The following CNTNAP5 variants were observed in gnomAD, a reference collection of about 807,000 sequenced individuals.
CNTNAP5 encodes contactin associated protein family member 5.
A neutral mutation model predicts 150.2 loss-of-function variants in CNTNAP5; 72 were observed. The observed-to-expected ratio is 0.48, with a 90% CI of 0.40 to 0.58. CNTNAP5 has a LOEUF of 0.58. Among genes scored for constraint, CNTNAP5 ranks in the 20% least tolerant of loss-of-function variants. The probability of loss-of-function intolerance (pLI) is 0.00; values close to 1 mark genes in which losing one functional copy is unlikely to be tolerated. For synonymous variants in CNTNAP5, 672 were observed against 619.8 expected, an observed-to-expected ratio of 1.08 and a Z score of -1.25; for missense variants, 1,636 against 1,626.2, an observed-to-expected ratio of 1.01 and a Z score of -0.10.
chr2:124,790,035 C>T lies in CNTNAP5; in HGVS notation c.2886C>T (p.Ser962=). The T allele has an allele frequency of 2.5e-6, 4 of 1,613,866 alleles. No homozygotes were observed. In the South Asian group the frequency reaches 4.4e-5, roughly 18 times the overall value. ...GGCCAGGCTGCCCCGGCCACTGCAG[C>T]AGCTACGGCAGCATCTGCCACAACG... The part of the protein sequence containing the change: ...GVRPGCPGHC[S]SYGSICHNGG... Residue 962 remains serine, a synonymous_variant, in exon 18 of 24, where the codon AGC becomes AGT. Coordinates refer to ENST00000682447, the MANE Select transcript of CNTNAP5 (RefSeq NM_001367498.1).
intron 1 of CNTNAP5, among the ~76,000 whole-genome samples, chr2:124,127,490 T>C (rs530975145): frequency 4.6e-5 from 7 of 152,074 alleles, no homozygotes; most frequent in Non-Finnish European, 1.0e-4. Flanking sequence ...CTGCCCAAGG[T>C]AATTTATAGA....
intron 1 of CNTNAP5, among the ~76,000 whole-genome samples, chr2:124,155,342 A>G (rs890626816): frequency 6.6e-6 from 1 of 151,836 alleles, no homozygotes; most frequent in Non-Finnish European, 1.5e-5. Flanking sequence ...AATCATTTTC[A>G]TTTGCCAATA....
At chr2:124,413,867 A>C (rs1006638659) in intron 3 of CNTNAP5, among the ~76,000 whole-genome samples, 1 of 146,482 alleles carries the variant, frequency 6.8e-6, no homozygotes, top group Admixed American at 6.9e-5. Flanking sequence ...TGTACCCTAA[A>C]ACTTAAAGTA....
rs141080748 is a variant in CNTNAP5 at position 124,852,822 on chromosome 2, G to A, written c.3218-12484G>A. On this transcript the variant is annotated intron_variant, in intron 19 of 23. Coordinates refer to ENST00000682447, the MANE Select transcript of CNTNAP5 (RefSeq NM_001367498.1). ...ATTTAGTAGAGACCAGAGGGCTGTC[G>A]ATGACTTGGTGTGGGGCACATGTAT... 1.6e-4 allele frequency among the ~76,000 whole-genome samples: 25 copies of A among 152,340 alleles called. No homozygotes were observed. The East Asian group carries it at 2.3e-3, about 14-fold the overall frequency.
chr2:124,785,578 A>C (rs1681550143), intron 17 of CNTNAP5, among the ~76,000 whole-genome samples: 1 of 152,190 alleles, frequency 6.6e-6, no homozygotes, highest in South Asian at 2.1e-4. Flanking sequence ...TAAATACAAC[A>C]TATGTGAAGA....
At chr2:124,243,607 G>A (rs1293927547) in intron 3 of CNTNAP5, among the ~76,000 whole-genome samples, 2 of 152,080 alleles carry the variant, frequency 1.3e-5, no homozygotes, top group Non-Finnish European at 2.9e-5. Flanking sequence ...AGTCTAAACA[G>A]TGAGTATACA....
intron 11 of CNTNAP5, among the ~76,000 whole-genome samples, chr2:124,605,809 C>CAAAAAAAA (rs36090348): frequency 2.9e-5 from 1 of 34,420 alleles, no homozygotes; most frequent in Non-Finnish European, 5.2e-5. Context: ...AAGACTCTGT[C>CAAAAAAAA]AAAAAAAAAA....
intron 3 of CNTNAP5, among the ~76,000 whole-genome samples, chr2:124,298,293 G>C (rs1688490298): frequency 6.6e-6 from 1 of 152,142 alleles, no homozygotes; most frequent in South Asian, 2.1e-4. Flanking sequence ...AGACCGAACT[G>C]AGGGTCGGGC....
intron 1 of CNTNAP5, among the ~76,000 whole-genome samples, chr2:124,196,243 A>G (rs1484914333): frequency 6.6e-6 from 1 of 152,150 alleles, no homozygotes; most frequent in African/African-American, 2.4e-5. Flanking sequence ...GCTAAGGGAT[A>G]AGCATACTAC....
intron 21 of CNTNAP5, among the ~76,000 whole-genome samples, chr2:124,878,641 T>C (rs376638751): frequency 2.0e-5 from 3 of 151,982 alleles, no homozygotes; most frequent in South Asian, 2.1e-4. Flanking sequence ...TGATGATTGG[T>C]AAACAGTGGA....
At chr2:124,832,326 A>G (rs1339478786) in intron 19 of CNTNAP5, among the ~76,000 whole-genome samples, 1 of 152,150 alleles carries the variant, frequency 6.6e-6, no homozygotes, top group Non-Finnish European at 1.5e-5. Context: ...TTAGTACCAT[A>G]TGACACAACA....
At chr2:124,227,816 G>A (rs923654037) in intron 2 of CNTNAP5, among the ~76,000 whole-genome samples, 1 of 151,638 alleles carries the variant, frequency 6.6e-6, no homozygotes, top group Non-Finnish European at 1.5e-5. Context: ...AAATTGCTAG[G>A]TAGATACAAA....
chr2:124,266,745 G>C (rs1020779378), intron 3 of CNTNAP5, among the ~76,000 whole-genome samples: 1 of 152,036 alleles, frequency 6.6e-6, no homozygotes, highest in Non-Finnish European at 1.5e-5. Flanking sequence ...TTAATGCTCT[G>C]GTCTTCAGTG....
chr2:124,512,211 C>T (rs1228836612), intron 8 of CNTNAP5, among the ~76,000 whole-genome samples: 1 of 151,746 alleles, frequency 6.6e-6, no homozygotes, highest in African/African-American at 2.4e-5. Flanking sequence ...GCAGAGAGCC[C>T]ACTTTGGATT....
chr2:124,909,397 C>A (rs1678607426), intron 22 of CNTNAP5, among the ~76,000 whole-genome samples: 1 of 152,090 alleles, frequency 6.6e-6, no homozygotes, highest in African/African-American at 2.4e-5. Context: ...GGCTGTACCA[C>A]CTAGGATTGT....
At chr2:124,609,670 G>A (rs1677336613) in intron 11 of CNTNAP5, 131 bp from the exon 12 acceptor site, 2 of 972,690 alleles carry the variant, frequency 2.1e-6, no homozygotes, top group African/African-American at 1.6e-5. Context: ...TAAGGCTTGG[G>A]GAAAAAGTCA....
intron 1 of CNTNAP5, among the ~76,000 whole-genome samples, chr2:124,129,452 C>A (rs1683793955): frequency 6.6e-6 from 1 of 152,106 alleles, no homozygotes; most frequent in Admixed American, 6.5e-5. Context: ...GCATCCTCAT[C>A]CCCTTCTGTA....
chr2:124,873,334 C>T (rs1247070767), intron 21 of CNTNAP5, among the ~76,000 whole-genome samples: 1 of 152,034 alleles, frequency 6.6e-6, no homozygotes, highest in African/African-American at 2.4e-5. Flanking sequence ...CAATCACCAC[C>T]CACCAGGTCC....
At chr2:124,786,384 A>AAAGAAAG (rs1681579029) in intron 17 of CNTNAP5, among the ~76,000 whole-genome samples, 3 of 91,086 alleles carry the variant, frequency 3.3e-5, no homozygotes, top group African/African-American at 5.1e-5. Context: ...AGAAAGAAAG[A>AAAGAAAG]AAGAAAGAAA....
Sources: gnomAD v4.1 joint callset for allele counts (sites outside exome capture counted in the v4.1 genomes callset) on GRCh38, gnomAD v4.1.1 for gene constraint, MANE v1.5 for transcripts, NCBI Gene and HGNC (gene_info 2026-07-23, HGNC 2026-07-21) for gene names.